ABI1: variants seen among roughly 807,000 people sequenced by gnomAD.
The protein encoded by ABI1 is Abelson interactor 1.
In ABI1, 14 loss-of-function variants were observed where a neutral mutation model predicts 54.6. The ratio of observed to expected loss-of-function variants is 0.26; its 90% CI spans 0.17 to 0.40. ABI1 has a LOEUF of 0.40. ABI1 is among the 10% of genes least tolerant of loss of function. ABI1 has a pLI of 1.00. For missense variants in ABI1, 443 were observed against 598.3 expected (o/e 0.74, Z 2.71); for synonymous variants, 194 against 209.3 (o/e 0.93, Z 0.63).
chr10:26,808,555 C>T (rs1419723343), intron 2 of ABI1, among the ~76,000 whole-genome samples: 1 of 151,864 alleles, frequency 6.6e-6, no homozygotes, highest in East Asian at 1.9e-4. Context: ...GACCCCATTT[C>T]TGCAAAAAAT....
intron 1 of ABI1, among the ~76,000 whole-genome samples, chr10:26,834,145 G>A (rs1293178579): frequency 2.6e-5 from 4 of 152,034 alleles, no homozygotes; most frequent in South Asian, 2.1e-4. Context: ...CAGGAGAATC[G>A]CTTGAACCCG....
chr10:26,767,571 T>G (rs1238762720), intron 6 of ABI1, among the ~76,000 whole-genome samples: 1 of 152,112 alleles, frequency 6.6e-6, no homozygotes, highest in Non-Finnish European at 1.5e-5. Flanking sequence ...GGAAGGAGCA[T>G]GAGGGGCTTC....
Position 26,860,811 on chromosome 10 carries a change from G to A in ABI1, c.53C>T (p.Ala18Val). The stretch of plus-strand genomic sequence containing the variant: ...CAGGTTCTGGTAACTCTCGATCAGC[G>A]CCCTCTTGCCAGACGGGATCTCCTC... ...LEEEIPSGKR[A>V]LIESYQNLTR... Residue 18 changes from alanine (A) to valine (V), a missense_variant, in exon 1 of 11, where the codon GCG (alanine) becomes GTG (valine). Ala to Val is a moderately conservative substitution (Grantham distance 64). Around this residue, in one of 2 missense-constraint regions of ABI1, gnomAD observed 394 missense variants for 484.8 expected, o/e 0.81. Transcript: ENST00000376140. This position sits in a 1 kb window ranked among gnomAD's most constrained non-coding sequence, Gnocchi z 4.1. The A allele has an allele frequency of 6.2e-7, 1 of 1,614,110 alleles. No individual in the cohort carries two copies. Among genetic ancestry groups the A allele is most frequent in the African/African-American group, 1.3e-5 (1 of 75,026 alleles).
At chr10:26,809,293 C>T (rs116631927) in intron 2 of ABI1, among the ~76,000 whole-genome samples, 2,345 of 151,770 alleles carry the variant, frequency 0.015, 51 homozygotes, top group African/African-American at 0.054. Context: ...AATTACTAGT[C>T]CTCACAGTAA....
At chr10:26,772,947 C>T (rs1480222779) in intron 3 of ABI1, among the ~76,000 whole-genome samples, 2 of 151,704 alleles carry the variant, frequency 1.3e-5, no homozygotes, top group Non-Finnish European at 2.9e-5. Context: ...CATAGTGGCG[C>T]ACACCTGTAG....
chr10:26,847,242 C>T (rs1487069601), intron 1 of ABI1, among the ~76,000 whole-genome samples: 1 of 152,100 alleles, frequency 6.6e-6, no homozygotes, highest in Non-Finnish European at 1.5e-5. Context: ...TACAATTTTG[C>T]CAGTTTTCTT....
chr10:26,795,688 C>T (rs1054657705), intron 2 of ABI1, among the ~76,000 whole-genome samples: 4 of 151,604 alleles, frequency 2.6e-5, no homozygotes, highest in Admixed American at 6.6e-5. Flanking sequence ...TAAATTTAAC[C>T]GAGAAGGTTA....
chr10:26,833,228 T>C (rs1353720798), intron 1 of ABI1, among the ~76,000 whole-genome samples: 1 of 152,056 alleles, frequency 6.6e-6, no homozygotes, highest in Non-Finnish European at 1.5e-5. Context: ...CTCTCTTCTT[T>C]AACGGGAGAG....
chr10:26,786,745 TACAG>T (rs1184334053), intron 2 of ABI1, among the ~76,000 whole-genome samples: 1 of 152,214 alleles, frequency 6.6e-6, no homozygotes, highest in Non-Finnish European at 1.5e-5. Flanking sequence ...AAGGTCACGT[TACAG>T]ACAGTGTCTC....
chr10:26,758,954 C>T, intron 8 of ABI1, 108 bp downstream of exon 8: 1 of 1,125,494 alleles, frequency 8.9e-7, no homozygotes, highest in Non-Finnish European at 1.3e-6. Context: ...AAACATGAAA[C>T]ATCATGGTTT....
At position 26,777,143 on chromosome 10, in the gene ABI1, C is replaced by T. The variant is rs558636392; in HGVS notation, c.384G>A (p.Ala128=). The change falls in exon 3 of 11, where the codon GCG becomes GCA. Residue 128 remains alanine (A), a synonymous_variant. Coordinates refer to ENST00000376140, the MANE Select transcript of ABI1 (RefSeq NM_001012750.3). The stretch of plus-strand genomic sequence containing the variant: ...TATACCTTACAGGGCGCTCCATATT[C>T]GCAGGTGCTATTATTTTGTGAGTTC... ...TSRTHKIIAP[A]NMERPVRYIR... 2.5e-5 allele frequency: 40 copies of T among 1,613,938 alleles called. No individual in the cohort carries two copies. In the African/African-American group the frequency reaches 5.1e-4, roughly 20 times the overall value.
chr10:26,795,960 G>T (rs1023094285), intron 2 of ABI1, among the ~76,000 whole-genome samples: 1 of 152,040 alleles, frequency 6.6e-6, no homozygotes, highest in Non-Finnish European at 1.5e-5. Context: ...ACTCCAGCCT[G>T]GTGACAGAGT....
At chr10:26,828,721 G>A (rs1003992623) in intron 1 of ABI1, among the ~76,000 whole-genome samples, 3 of 152,152 alleles carry the variant, frequency 2.0e-5, no homozygotes, top group Non-Finnish European at 4.4e-5. Context: ...GTAATTGAAA[G>A]AGGGGAAGGA....
At chr10:26,855,484 G>T (rs1408785480) in intron 1 of ABI1, among the ~76,000 whole-genome samples, 1 of 152,174 alleles carries the variant, frequency 6.6e-6, no homozygotes, top group Non-Finnish European at 1.5e-5. Flanking sequence ...TAACTTTTAT[G>T]AGTCCTAATT....
chr10:26,773,297 G>T (rs1452606394), intron 3 of ABI1, among the ~76,000 whole-genome samples: 1 of 145,212 alleles, frequency 6.9e-6, no homozygotes, highest in African/African-American at 2.6e-5. Context: ...TGCCTCCCGG[G>T]TTCAAGCGAG....
chr10:26,782,160 A>G (rs527963728), intron 2 of ABI1, among the ~76,000 whole-genome samples: 1 of 152,190 alleles, frequency 6.6e-6, no homozygotes, highest in Non-Finnish European at 1.5e-5. Context: ...CTCCAGCCAC[A>G]GTACCGTGGT....
At chr10:26,815,091 T>G (rs1235595487) in intron 2 of ABI1, among the ~76,000 whole-genome samples, 1 of 151,726 alleles carries the variant, frequency 6.6e-6, no homozygotes, top group Non-Finnish European at 1.5e-5. Context: ...CTGAGAGATT[T>G]AAAAAAAAAT....
chr10:26,839,615 C>A (rs767579011), intron 1 of ABI1: 3 of 609,624 alleles, frequency 4.9e-6, no homozygotes, highest in African/African-American at 3.7e-5. Context: ...ATCAGCACCA[C>A]CCTTAACTGA....
rs746703711 is a variant in ABI1, at chr10:26,753,406, T to C, written c.1085-1623A>G. On this transcript the variant is annotated intron_variant, in intron 9 of 10. Transcript: ENST00000376140. ...TTTGGCTTAATGTGTAAATTATGTA[T>C]GTTGGTACCTTGCATTTACTCTTGA... Among the ~76,000 whole-genome samples, 4 of 152,224 alleles carry C rather than the reference T, an allele frequency of 2.6e-5. No individual in the cohort carries two copies. In the East Asian group the frequency reaches 5.8e-4, roughly 22 times the overall value.
Sources: allele counts gnomAD v4.1 joint callset (sites outside exome capture counted in the v4.1 genomes callset), GRCh38; gene constraint gnomAD v4.1.1; regional missense constraint gnomAD v4.1.1; non-coding constraint Gnocchi (gnomAD v3.1); transcripts MANE v1.5; gene names NCBI Gene and HGNC (gene_info 2026-07-23, HGNC 2026-07-21).